RBFOX1: variants seen among roughly 807,000 people sequenced by gnomAD.
RBFOX1 encodes RNA binding fox-1 homolog 1.
Under a neutral mutation model 57.7 loss-of-function variants are expected in RBFOX1, and 8 were observed. That is an observed-to-expected ratio of 0.14 (90% confidence interval 0.08 to 0.25). The LOEUF (loss-of-function observed/expected upper bound fraction) is 0.25. Ranked by LOEUF, RBFOX1 falls within the 10% of genes least tolerant of loss-of-function variation. RBFOX1 has a pLI of 1.00. For synonymous variants in RBFOX1, 326 were observed against 222.4 expected, an observed-to-expected ratio of 1.47 and a Z score of -4.15; for missense variants, 611 against 548.5, an observed-to-expected ratio of 1.11 and a Z score of -1.14.
intron 2 of RBFOX1, among the ~76,000 whole-genome samples, chr16:6,475,006 T>C (rs567861609): frequency 3.3e-5 from 5 of 152,308 alleles, no homozygotes; most frequent in African/African-American, 1.2e-4. Context: ...TCATGATACA[T>C]TGCAAAGTGC....
chr16:7,000,586 CTTTTTCTTTCT>C (rs1162362566), intron 3 of RBFOX1, among the ~76,000 whole-genome samples: 188 of 95,822 alleles, frequency 2.0e-3, no homozygotes, highest in African/African-American at 5.8e-3. Flanking sequence ...TTTTTTCTTT[CTTTTTCTTTCT>C]TTTTTTTTTT....
chr16:6,543,945 T>G (rs534303129), intron 2 of RBFOX1, among the ~76,000 whole-genome samples: 21 of 152,132 alleles, frequency 1.4e-4, no homozygotes, highest in Admixed American at 2.6e-4. Flanking sequence ...ATAAGGGCAT[T>G]TTGCTTTTAA....
In RBFOX1 at chr16:7,242,371, A is replaced by C. The variant is rs140659978; in HGVS notation, c.27+190273A>C. 1.9e-3 allele frequency among the ~76,000 whole-genome samples: 290 copies of C among 152,336 alleles called. 1 individual carries two copies. Among genetic ancestry groups the C allele is most frequent in the South Asian group, 9.7e-3 (47 of 4,828 alleles). On this transcript the variant is annotated intron_variant, in intron 4 of 15. Transcript: ENST00000550418. ...CCTTCTGATGCAGACAGGTTGTGCC[A>C]CATGACAGCTGTGTGAGCTTGGGCA...
chr16:7,069,286 G>C (rs936052994), intron 4 of RBFOX1, among the ~76,000 whole-genome samples: 1 of 152,130 alleles, frequency 6.6e-6, no homozygotes, highest in Non-Finnish European at 1.5e-5. Flanking sequence ...TGCTGCACCT[G>C]TCATCCCACC....
chr16:6,174,639 T>A (rs1163747970), intron 1 of RBFOX1, among the ~76,000 whole-genome samples: 1 of 152,042 alleles, frequency 6.6e-6, no homozygotes, highest in African/African-American at 2.4e-5. Context: ...AAGAAAAATA[T>A]AAAAGTTAGG....
intron 4 of RBFOX1, among the ~76,000 whole-genome samples, chr16:5,943,886 C>T (rs1046286712): frequency 1.3e-5 from 2 of 151,896 alleles, no homozygotes; most frequent in Admixed American, 6.6e-5. Flanking sequence ...CCTGTTCACC[C>T]AGCCATTCAT....
intron 15 of RBFOX1, chr16:7,709,634 G>T: frequency 6.5e-7 from 1 of 1,530,708 alleles, no homozygotes; most frequent in African/African-American, 1.4e-5. Context: ...GCCCAGGAAA[G>T]AAAATAGAGA....
intron 1 of RBFOX1, among the ~76,000 whole-genome samples, chr16:5,339,842 TTCCCAGCCCGG>T (rs2064995815): frequency 6.6e-6 from 1 of 151,970 alleles, no homozygotes; most frequent in Non-Finnish European, 1.5e-5. Context: ...TGGGAGAGCT[TTCCCAGCCCGG>T]GGACTGAGCA....
At chr16:5,401,741 T>TTCTC (rs891696493) in intron 1 of RBFOX1, among the ~76,000 whole-genome samples, 1 of 132,038 alleles carries the variant, frequency 7.6e-6, no homozygotes, top group Non-Finnish European at 1.6e-5. Flanking sequence ...CTGTCTCTTT[T>TTCTC]TCTCTCTCTC....
At chr16:7,351,108 C>T (rs1216127850) in intron 4 of RBFOX1, among the ~76,000 whole-genome samples, 2 of 152,128 alleles carry the variant, frequency 1.3e-5, no homozygotes, top group Admixed American at 6.5e-5. Context: ...TAGAGAAGGC[C>T]CCTTGGGACT....
intron 3 of RBFOX1, among the ~76,000 whole-genome samples, chr16:6,683,937 C>T (rs758939209): frequency 7.4e-4 from 113 of 152,196 alleles, no homozygotes; most frequent in Non-Finnish European, 1.5e-3. Context: ...ATGTGTCACG[C>T]AGTGGGTGCC....
rs1280758566 is a variant in RBFOX1 at position 7,711,870 on chromosome 16, G to GTACTT, written c.*1127_*1131dup. 6.6e-6 allele frequency: 1 copy of GTACTT among 152,502 alleles called. No homozygotes were observed. Among genetic ancestry groups the GTACTT allele is most frequent in the African/African-American group, 2.4e-5 (1 of 41,418 alleles). 9.4% of individuals were successfully genotyped at this position (152,502 alleles called of 1,614,324 possible). A position where few individuals can be genotyped will look rare whatever the true frequency, so the allele number is the denominator to read the frequency against. ...TAATCATGGTATTTTCATCAGCTTG[G>GTACTT]TACTTTTTGAAACGTGACTGCGTTG... On this transcript the variant is annotated 3_prime_UTR_variant, in exon 16 of 16. Coordinates refer to ENST00000550418, the MANE Select transcript of RBFOX1 (RefSeq NM_018723.4).
At chr16:5,416,791 A>G (rs1476596328) in intron 1 of RBFOX1, among the ~76,000 whole-genome samples, 1 of 152,110 alleles carries the variant, frequency 6.6e-6, no homozygotes, top group Non-Finnish European at 1.5e-5. Flanking sequence ...GAACAAAGCA[A>G]TTTGCTTTGG....
chr16:6,456,327 A>G (rs1209960932), intron 2 of RBFOX1, among the ~76,000 whole-genome samples: 1 of 152,074 alleles, frequency 6.6e-6, no homozygotes, highest in African/African-American at 2.4e-5. Flanking sequence ...TTCCCCCTAG[A>G]TATGGGTGTC....
chr16:6,590,716 G>A (rs906295189), intron 2 of RBFOX1, among the ~76,000 whole-genome samples: 1 of 152,158 alleles, frequency 6.6e-6, no homozygotes, highest in Non-Finnish European at 1.5e-5. Context: ...AGGAGGGTTC[G>A]TATTGACGGT....
At chr16:7,080,687 T>A (rs892784521) in intron 4 of RBFOX1, among the ~76,000 whole-genome samples, 1 of 152,226 alleles carries the variant, frequency 6.6e-6, no homozygotes, top group Admixed American at 6.5e-5. Context: ...GGCTGCCATA[T>A]GAACCCTGGG....
At chr16:7,696,245 C>T (rs552457736) in intron 14 of RBFOX1, among the ~76,000 whole-genome samples, 1 of 152,128 alleles carries the variant, frequency 6.6e-6, no homozygotes, top group African/African-American at 2.4e-5. Context: ...AGAATGTGTG[C>T]TCTGTTGGGT....
At chr16:5,455,193 C>T (rs948743400) in intron 1 of RBFOX1, among the ~76,000 whole-genome samples, 10 of 151,814 alleles carry the variant, frequency 6.6e-5, no homozygotes, top group Non-Finnish European at 1.2e-4. Context: ...TCTGAAATGA[C>T]TTGAAGACTA....
At chr16:6,710,194 C>T (rs544542154) in intron 3 of RBFOX1, among the ~76,000 whole-genome samples, 2 of 152,266 alleles carry the variant, frequency 1.3e-5, no homozygotes, top group South Asian at 2.1e-4. Flanking sequence ...GGTTTAACTT[C>T]TCAAAACTGA....
Sources: gnomAD v4.1 joint callset for allele counts (sites outside exome capture counted in the v4.1 genomes callset) on GRCh38, gnomAD v4.1.1 for gene constraint, MANE v1.5 for transcripts, NCBI Gene and HGNC (gene_info 2026-07-23, HGNC 2026-07-21) for gene names.